SNX29: variants seen among roughly 807,000 people sequenced by gnomAD.
SNX29 encodes sorting nexin-29.
Under a neutral mutation model 102.1 loss-of-function variants are expected in SNX29, and 78 were observed. The ratio of observed to expected loss-of-function variants is 0.76; its 90% CI spans 0.64 to 0.92. SNX29 has a LOEUF of 0.92. Ranked by LOEUF, SNX29 falls within the 40% of genes least tolerant of loss-of-function variation. SNX29 has a pLI of 0.00. For synonymous variants in SNX29, 580 were observed against 414.5 expected, an observed-to-expected ratio of 1.40 and a Z score of -4.85; for missense variants, 1,280 against 1,061.7, an observed-to-expected ratio of 1.21 and a Z score of -2.86.
At position 12,571,552 on chromosome 16, in the gene SNX29, T is replaced by A. The variant is rs572588206; in HGVS notation, c.*2923T>A. On this transcript the variant is annotated 3_prime_UTR_variant, in exon 21 of 21. Transcript: ENST00000566228. ...GACCACCCTTTGCTGGGAGGAAGAA[T>A]CCACACCGAATCCTTCTGTCTTCAT... The A allele has an allele frequency of 3.0e-6, 3 of 985,062 alleles. No individual in the cohort carries two copies. The highest frequency in any genetic ancestry group is 5.4e-5 in the Admixed American group (1 of 18,550). The allele number at this position is 985,062 out of a possible 1,614,324, so 61.0% of individuals were successfully genotyped here.
At chr16:12,021,344 T>C (rs1256349990) in intron 3 of SNX29, among the ~76,000 whole-genome samples, 1 of 152,020 alleles carries the variant, frequency 6.6e-6, no homozygotes, top group Admixed American at 6.6e-5. Flanking sequence ...GACAATTGCT[T>C]GAACCCAGGA....
chr16:11,984,472 G>T (rs2055524890), intron 1 of SNX29, among the ~76,000 whole-genome samples: 1 of 151,892 alleles, frequency 6.6e-6, no homozygotes, highest in South Asian at 2.1e-4. Context: ...AACATTTCAG[G>T]ACAAAACTTT....
At chr16:12,501,457 C>T (rs1285076861) in intron 19 of SNX29, among the ~76,000 whole-genome samples, 1 of 151,764 alleles carries the variant, frequency 6.6e-6, no homozygotes, top group Non-Finnish European at 1.5e-5. Context: ...CGCGGTGGCT[C>T]ACACCTGTAA....
At chr16:12,549,898 A>T (rs1448157034) in intron 20 of SNX29, among the ~76,000 whole-genome samples, 1 of 152,244 alleles carries the variant, frequency 6.6e-6, no homozygotes, top group Non-Finnish European at 1.5e-5. Flanking sequence ...GAGATCAGAA[A>T]ATGATGGCCC....
chr16:12,185,139 G>C (rs927617467), intron 13 of SNX29, among the ~76,000 whole-genome samples: 1 of 152,196 alleles, frequency 6.6e-6, no homozygotes, highest in Non-Finnish European at 1.5e-5. Flanking sequence ...TGTAGAATTT[G>C]TAGGATTCCC....
intron 16 of SNX29, among the ~76,000 whole-genome samples, chr16:12,383,648 C>G (rs2083252235): frequency 6.6e-6 from 1 of 151,764 alleles, no homozygotes; most frequent in Admixed American, 6.6e-5. Flanking sequence ...GTTGGCCAGG[C>G]TGGTCTCGAA....
intron 4 of SNX29, among the ~76,000 whole-genome samples, chr16:12,035,960 C>T (rs1038690275): frequency 3.7e-4 from 57 of 152,120 alleles, no homozygotes; most frequent in African/African-American, 1.3e-3. Flanking sequence ...TCTGGGACAG[C>T]GAGTTCAAAA....
At chr16:12,220,820 T>C (rs1233587843) in intron 14 of SNX29, among the ~76,000 whole-genome samples, 1 of 152,244 alleles carries the variant, frequency 6.6e-6, no homozygotes, top group Non-Finnish European at 1.5e-5. Context: ...TGGGTGTAAT[T>C]ATAAAAACAT....
chr16:12,260,545 C>T (rs924835462), intron 14 of SNX29, among the ~76,000 whole-genome samples: 1 of 152,190 alleles, frequency 6.6e-6, no homozygotes. Context: ...GCCTTCTGAG[C>T]TTCTCTTTTC....
At position 12,569,638 on chromosome 16, in the gene SNX29, AC is replaced by A. The variant is rs398119240; in HGVS notation, c.*1010del. On this transcript the variant is annotated 3_prime_UTR_variant, in exon 21 of 21. Transcript: ENST00000566228. Reference sequence around the variant, plus strand: ...ATAACAGAACTCTGCATCCCCTAAGACAGAGTCCTCTGTTCCTCCCATGTCA... The same window carrying A: ...ATAACAGAACTCTGCATCCCCTAAGAAGAGTCCTCTGTTCCTCCCATGTCA... 1.0e-3 allele frequency: 40 copies of A among 38,720 alleles called. No homozygotes were observed. Among genetic ancestry groups the A allele is most frequent in the African/African-American group, 8.5e-3 (38 of 4,496 alleles). The allele number at this position is 38,720 out of a possible 1,614,324, so 2.4% of individuals were successfully genotyped here.
intron 20 of SNX29, among the ~76,000 whole-genome samples, chr16:12,545,879 G>A (rs62028161): frequency 6.6e-6 from 1 of 152,136 alleles, no homozygotes; most frequent in Non-Finnish European, 1.5e-5. Flanking sequence ...CCTAAGCCGT[G>A]GGCATTGGGG....
intron 3 of SNX29, among the ~76,000 whole-genome samples, chr16:12,011,853 A>G (rs944784889): frequency 6.6e-6 from 1 of 152,164 alleles, no homozygotes; most frequent in African/African-American, 2.4e-5. Context: ...CTGGAAAATC[A>G]GATAATAATA....
intron 18 of SNX29, among the ~76,000 whole-genome samples, chr16:12,461,058 A>G (rs2086757455): frequency 6.6e-6 from 1 of 152,254 alleles, no homozygotes; most frequent in South Asian, 2.1e-4. Flanking sequence ...TAGAAGTTAG[A>G]TGCGATAATT....
At chr16:12,373,707 AAT>A (rs2082772271) in intron 16 of SNX29, 1 of 152,126 alleles carries the variant, frequency 6.6e-6, no homozygotes, top group African/African-American at 2.4e-5. Flanking sequence ...TGAATGCGTG[AAT>A]CTTAGTTCCC....
intron 16 of SNX29, among the ~76,000 whole-genome samples, chr16:12,365,150 TTA>T (rs1274585310): frequency 6.6e-6 from 1 of 152,074 alleles, no homozygotes. Flanking sequence ...ACTCTTTATT[TTA>T]TGTTTTCCAA....
intron 4 of SNX29, among the ~76,000 whole-genome samples, chr16:12,030,501 G>T (rs1352065267): frequency 6.6e-6 from 1 of 152,106 alleles, no homozygotes; most frequent in South Asian, 2.1e-4. Flanking sequence ...CCCAAAACCA[G>T]TCCCACAAAG....
intron 11 of SNX29, among the ~76,000 whole-genome samples, chr16:12,090,931 C>G (rs1336358877): frequency 7.3e-6 from 1 of 136,840 alleles, no homozygotes; most frequent in Non-Finnish European, 1.5e-5. Flanking sequence ...AGGAGAATCA[C>G]TTGAACCCAG....
chr16:12,182,463 G>A (rs79923527), intron 13 of SNX29, among the ~76,000 whole-genome samples: 19 of 152,200 alleles, frequency 1.2e-4, no homozygotes, highest in East Asian at 7.7e-4. Context: ...GGCTGCTAAC[G>A]CTTGCTCATT....
intron 16 of SNX29, among the ~76,000 whole-genome samples, chr16:12,361,974 C>CATGCGCCTAT (rs1491177470): frequency 0.17 from 8,950 of 54,094 alleles, 481 homozygotes; most frequent in African/African-American, 0.25. Context: ...TAATAACGAG[C>CATGCGCCTAT]ACATGCCTAT....
Sources: gnomAD v4.1 joint callset for allele counts (sites outside exome capture counted in the v4.1 genomes callset) on GRCh38, gnomAD v4.1.1 for gene constraint, MANE v1.5 for transcripts, NCBI Gene and HGNC (gene_info 2026-07-23, HGNC 2026-07-21) for gene names.